The following ZNF596 variants were observed in gnomAD, a reference collection of about 807,000 sequenced individuals.
ZNF596 encodes the protein zinc finger protein 596.
A neutral mutation model predicts 48.3 loss-of-function variants in ZNF596; 45 were observed. That is an observed-to-expected ratio of 0.93 (90% CI 0.73 to 1.19). The LOEUF (loss-of-function observed/expected upper bound fraction) is 1.19, where lower values mean the gene tolerates loss of function less well. Ranked by LOEUF, ZNF596 falls within the 50% of genes most tolerant of loss-of-function variation. The pLI is 0.00. For missense variants in ZNF596, 848 were observed against 599.7 expected, an observed-to-expected ratio of 1.41 and a Z score of -4.32; for synonymous variants, 270 against 202.0, an observed-to-expected ratio of 1.34 and a Z score of -2.85.
At chr8:238,699 C>T (rs1485884337) in intron 1 of ZNF596, among the ~76,000 whole-genome samples, 1 of 147,052 alleles carries the variant, frequency 6.8e-6, no homozygotes, top group Non-Finnish European at 1.5e-5. Flanking sequence ...CCCAGCTACT[C>T]AGGAGGCTGA....
In ZNF596 at chr8:238,578, A is replaced by C. The variant is rs528971327; in HGVS notation, c.-72-2246A>C. On this transcript the variant is annotated intron_variant, in intron 1 of 5. Coordinates refer to ENST00000398612, the MANE Select transcript of ZNF596 (RefSeq NM_001042416.3). ...CACTTTGAGAGGCCGAGGTAGGCAG[A>C]TCATTTGAGGCCAGGAGTTCAAAAT... is the stretch of plus-strand genomic sequence containing the variant. 4.8e-5 allele frequency among the ~76,000 whole-genome samples: 7 copies of C among 147,352 alleles called. No individual in the cohort carries two copies. The South Asian group carries it at 1.5e-3, about 32-fold the overall frequency.
chr8:238,159 A>G (rs1286514608), intron 1 of ZNF596, among the ~76,000 whole-genome samples: 1 of 152,118 alleles, frequency 6.6e-6, no homozygotes, highest in African/African-American at 2.4e-5. Flanking sequence ...TTATACCTCC[A>G]TTGTCTGCAG....
At position 247,023 on chromosome 8, in the gene ZNF596, C is replaced by T. The variant is rs1797118207; in HGVS notation, c.*661C>T. 6.6e-6 allele frequency: 1 copy of T among 152,128 alleles called. No homozygotes were observed. Among genetic ancestry groups the T allele is most frequent in the African/African-American group, 2.4e-5 (1 of 41,414 alleles). 9.4% of individuals were successfully genotyped at this position (152,128 alleles called of 1,614,324 possible). A position where few individuals can be genotyped will look rare whatever the true frequency, so the allele number is the denominator to read the frequency against. ...ATGGAGGGTAGTCCTCAGTAAATTA[C>T]TCATTCCTTAGTCAATACCAGCATT... is the stretch of plus-strand genomic sequence containing the variant. On this transcript the variant is annotated 3_prime_UTR_variant, in exon 6 of 6. Transcript: ENST00000398612.
At chr8:243,926 C>CTAAA in intron 4 of ZNF596, 121 bp downstream of exon 4, 1 of 785,948 alleles carries the variant, frequency 1.3e-6, no homozygotes, top group Non-Finnish European at 2.0e-6. Context: ...CTCACTCTGT[C>CTAAA]ACCCAGGCTG....
chr8:243,022 CTTTATA>C lies in ZNF596; in HGVS notation c.139+15_139+20del. 6.2e-7 allele frequency: 1 copy of C among 1,604,974 alleles called. No individual in the cohort carries two copies. The highest frequency in any genetic ancestry group is 8.5e-7 in the Non-Finnish European group (1 of 1,173,876). ...TCATCTGGTCTCTATTGGTGAGTCT[CTTTATA>C]TTTATTATGTATGTATATACGGATT... On this transcript the variant is annotated intron_variant, in intron 3 of 5. Transcript: ENST00000398612.
chr8:246,603 C>T lies in ZNF596; in HGVS notation c.*241C>T, dbSNP rs1797100595. On this transcript the variant is annotated 3_prime_UTR_variant, in exon 6 of 6. Coordinates refer to ENST00000398612, the MANE Select transcript of ZNF596 (RefSeq NM_001042416.3). Reference sequence around the variant, plus strand: ...ATAGATCAAAGGAATGTGGAGGAGTCTTCATCCACAGCTCTGTTAAATAAA... The same window carrying T: ...ATAGATCAAAGGAATGTGGAGGAGTTTTCATCCACAGCTCTGTTAAATAAA... The T allele has an allele frequency of 7.5e-6, 3 of 402,042 alleles. No individual in the cohort carries two copies. The allele number at this position is 402,042 out of a possible 1,614,324, so 24.9% of individuals were successfully genotyped here. A position where few individuals can be genotyped will look rare whatever the true frequency, so the allele number is the denominator to read the frequency against.
intron 1 of ZNF596, chr8:232,959 GACTGTTGGGT>G (rs1796473835): frequency 4.3e-6 from 2 of 467,974 alleles, no homozygotes; most frequent in East Asian, 1.4e-4. Context: ...CACTAGCGGT[GACTGTTGGGT>G]GTTTACCTTC....
intron 2 of ZNF596, among the ~76,000 whole-genome samples, 194 bp downstream of exon 2, chr8:241,101 AG>A (rs1796836439): frequency 6.6e-6 from 1 of 152,222 alleles, no homozygotes; most frequent in Non-Finnish European, 1.5e-5. Flanking sequence ...CAGTACACTA[AG>A]GCATTCCAGC....
At position 240,792 on chromosome 8, in the gene ZNF596, G is replaced by T. The variant is rs1330769248; in HGVS notation, c.-72-32G>T. Reference sequence around the variant, plus strand: ...TTAGAAGCAAAACTGGAGTGTCATGGTTTTTTTGTTTTTGTTTTTGTTTTT... The same window carrying T: ...TTAGAAGCAAAACTGGAGTGTCATGTTTTTTTTGTTTTTGTTTTTGTTTTT... On this transcript the variant is annotated intron_variant, in intron 1 of 5. Transcript: ENST00000398612. 3.4e-6 allele frequency: 5 copies of T among 1,466,328 alleles called. No homozygotes were observed. In the South Asian group the frequency reaches 3.4e-5, roughly 10 times the overall value. The allele number at this position is 1,466,328 out of a possible 1,614,324, so 90.8% of individuals were successfully genotyped here. A position where few individuals can be genotyped will look rare whatever the true frequency, so the allele number is the denominator to read the frequency against.
Position 245,464 on chromosome 8 carries a change from A to G in ZNF596, c.617A>G (p.Lys206Arg), listed in dbSNP as rs1226420236. 1 of 1,614,230 alleles carries G rather than the reference A, an allele frequency of 6.2e-7. No individual in the cohort carries two copies. The change falls in exon 6 of 6, where the codon AAA becomes AGA. Residue 206 changes from lysine (K) to arginine (R), a missense_variant. By Grantham distance (26) the Lys-to-Arg change is conservative. Coordinates refer to ENST00000398612, the MANE Select transcript of ZNF596 (RefSeq NM_001042416.3). The stretch of plus-strand genomic sequence containing the variant: ...CGTGTGTGTGGGAAAACCTTTAGCA[A>G]AAATTCTAATCTTAGGCGACATGAG... The part of the protein sequence containing the change: ...ECRVCGKTFS[K>R]NSNLRRHEMI...
chr8:243,097 A>T, intron 3 of ZNF596, 84 bp downstream of exon 3: 3 of 1,337,510 alleles, frequency 2.2e-6, no homozygotes, highest in Non-Finnish European at 3.0e-6. Context: ...TTCATTCTAC[A>T]CGTGCTTAGA....
At chr8:235,664 C>T (rs980319715) in intron 1 of ZNF596, among the ~76,000 whole-genome samples, 5 of 152,100 alleles carry the variant, frequency 3.3e-5, no homozygotes, top group Admixed American at 2.0e-4. Flanking sequence ...TATGTACGCA[C>T]ACACAAACAC....
At chr8:233,251 A>C (rs1796488523) in intron 1 of ZNF596, 2 of 394,520 alleles carry the variant, frequency 5.1e-6, no homozygotes, top group Non-Finnish European at 5.4e-6. Flanking sequence ...GGAGGACAGA[A>C]TACAATGAGG....
intron 4 of ZNF596, 192 bp from the exon 5 acceptor site, chr8:244,427 C>T (rs1796977524): frequency 3.5e-6 from 2 of 565,556 alleles, no homozygotes; most frequent in Admixed American, 3.5e-5. Flanking sequence ...CTCGACTTGC[C>T]TTTATTTTTT....
chr8:236,881 G>A (rs949449431), intron 1 of ZNF596, among the ~76,000 whole-genome samples: 1 of 152,168 alleles, frequency 6.6e-6, no homozygotes, highest in African/African-American at 2.4e-5. Context: ...TGTAGTTATT[G>A]TTACATTCAT....
At chr8:239,329 C>T (rs1796753907) in intron 1 of ZNF596, among the ~76,000 whole-genome samples, 1 of 152,140 alleles carries the variant, frequency 6.6e-6, no homozygotes, top group Non-Finnish European at 1.5e-5. Context: ...GCTGAGATTA[C>T]AGGTGCCTGC....
intron 4 of ZNF596, chr8:244,362 A>G: frequency 2.2e-6 from 1 of 459,564 alleles, no homozygotes; most frequent in African/African-American, 2.0e-5. Flanking sequence ...GAGTTAAACT[A>G]TTACATACTA....
Position 245,215 on chromosome 8 carries a change from A to G in ZNF596, c.368A>G (p.His123Arg), listed in dbSNP as rs759196764. Residue 123 changes from histidine to arginine, a missense_variant, in exon 6 of 6, where the codon CAT becomes CGT. Physicochemically the swap from His to Arg is conservative, Grantham distance 29 (BLOSUM62 0). Transcript: ENST00000398612. The part of the protein sequence containing the change: ...CNDLGEDFTQ[H>R]IALTQNVITY... ...GACTTAGGAGAAGATTTCACTCAAC[A>G]TATAGCATTGACTCAAAATGTGATT... 3 of 1,613,616 alleles carry G rather than the reference A, an allele frequency of 1.9e-6. No individual in the cohort carries two copies. The highest frequency in any genetic ancestry group is 2.5e-6 in the Non-Finnish European group (3 of 1,179,836).
intron 1 of ZNF596, among the ~76,000 whole-genome samples, chr8:239,368 T>C (rs1427910144): frequency 2.6e-5 from 4 of 152,142 alleles, no homozygotes; most frequent in Admixed American, 6.5e-5. Context: ...TTTGTATTTT[T>C]AGTAGAAACG....
Sources: allele counts gnomAD v4.1 joint callset (sites outside exome capture counted in the v4.1 genomes callset), GRCh38; gene constraint gnomAD v4.1.1; transcripts MANE v1.5; gene names NCBI Gene and HGNC (gene_info 2026-07-23, HGNC 2026-07-21).